Variants in ZMYM4 observed in about 807,000 individuals in gnomAD.
ZMYM4 encodes the protein zinc finger MYM-type protein 4.
ZMYM4 carries 31 observed loss-of-function variants against 183.2 expected under a neutral mutation model. The observed-to-expected ratio is 0.17, with a 90% CI of 0.13 to 0.23. The LOEUF (loss-of-function observed/expected upper bound fraction) is 0.23, where lower values mean the gene tolerates loss of function less well. ZMYM4 is among the 10% of genes least tolerant of loss of function. The pLI, the probability that ZMYM4 is intolerant of heterozygous loss-of-function variation, is 1.00. For synonymous variants in ZMYM4, 592 were observed against 631.2 expected (o/e 0.94, Z 0.93); for missense variants, 1,273 against 1,840.3 (o/e 0.69, Z 5.64).
At chr1:35,291,030 T>C (rs1467882218) in intron 1 of ZMYM4, among the ~76,000 whole-genome samples, 1 of 152,230 alleles carries the variant, frequency 6.6e-6, no homozygotes, top group African/African-American at 2.4e-5. Context: ...TGTACAGTTC[T>C]GTAAGGTTTG....
chr1:35,349,212 TC>T (rs1643505424), intron 2 of ZMYM4, among the ~76,000 whole-genome samples: 1 of 152,130 alleles, frequency 6.6e-6, no homozygotes, highest in African/African-American at 2.4e-5. Context: ...CATCTCGAAC[TC>T]CTGACCTCAA....
chr1:35,271,955 C>T (rs1047657011), intron 1 of ZMYM4, among the ~76,000 whole-genome samples: 1 of 152,014 alleles, frequency 6.6e-6, no homozygotes, highest in East Asian at 1.9e-4. Flanking sequence ...AGAGGGAAAC[C>T]CCCTCTCTAG....
At chr1:35,274,579 C>T (rs796937342) in intron 1 of ZMYM4, among the ~76,000 whole-genome samples, 4 of 147,636 alleles carry the variant, frequency 2.7e-5, no homozygotes, top group South Asian at 2.1e-4. Context: ...GCACTTTAGC[C>T]TGGGTGACAG....
intron 1 of ZMYM4, among the ~76,000 whole-genome samples, chr1:35,321,889 T>C (rs1642296851): frequency 6.6e-6 from 1 of 151,654 alleles, no homozygotes; most frequent in African/African-American, 2.4e-5. Context: ...TAGAAATTGA[T>C]CCTACAGATA....
Position 35,398,466 on chromosome 1 carries a change from G to T in ZMYM4, c.3253G>T (p.Asp1085Tyr). The part of the protein sequence containing the change: ...LFLDTKIFEK[D>Y]QGSTYSGDLE... ...TCTAGACACCAAGATATTTGAAAAA[G>T]GTTTGTAGTTGAAAATATGTTTTGA... Residue 1085 changes from aspartate (D) to tyrosine (Y), a missense_variant and splice_region_variant, in exon 21 of 30, where the codon GAC (aspartate) becomes TAC (tyrosine). Physicochemically the swap from Asp to Tyr is radical, Grantham distance 160. Transcript: ENST00000314607. The T allele has an allele frequency of 6.2e-7, 1 of 1,610,826 alleles. No homozygotes were observed. The highest frequency in any genetic ancestry group is 1.1e-5 in the South Asian group (1 of 90,332).
chr1:35,382,167 T>A, intron 9 of ZMYM4, among the ~76,000 whole-genome samples: 1 of 134,182 alleles, frequency 7.5e-6, no homozygotes, highest in East Asian at 2.7e-4. Flanking sequence ...AACAAAAATG[T>A]ATATATACAC....
At chr1:35,286,857 T>G (rs893546087) in intron 1 of ZMYM4, among the ~76,000 whole-genome samples, 2 of 125,696 alleles carry the variant, frequency 1.6e-5, no homozygotes, top group Non-Finnish European at 3.2e-5. Flanking sequence ...CTTGAACTCC[T>G]GGGCTCAAGC....
intron 5 of ZMYM4, among the ~76,000 whole-genome samples, chr1:35,363,622 A>G (rs1408621697): frequency 6.6e-6 from 1 of 152,186 alleles, no homozygotes; most frequent in Non-Finnish European, 1.5e-5. Flanking sequence ...GGGTAGTGAT[A>G]AAGCTATAGG....
At position 35,286,809 on chromosome 1, in the gene ZMYM4, T is replaced by G. The variant is rs576859845; in HGVS notation, c.39+17724T>G. ...TTTTTTTTTTTTTTTTTTTTTTTTT[T>G]TGTAGAGACAGGGTCTCCATATGTT... On this transcript the variant is annotated intron_variant, in intron 1 of 29. Coordinates refer to ENST00000314607, the MANE Select transcript of ZMYM4 (RefSeq NM_005095.3). Among the ~76,000 whole-genome samples, 814 of 99,804 alleles carry G rather than the reference T, an allele frequency of 8.2e-3. 7 individuals are homozygous for G. The highest frequency in any genetic ancestry group is 0.033 in the African/African-American group (741 of 22,396). 65.5% of individuals were successfully genotyped at this position (99,804 alleles called of 152,430 possible).
chr1:35,346,485 T>C (rs1428525861), intron 2 of ZMYM4, among the ~76,000 whole-genome samples: 2 of 151,822 alleles, frequency 1.3e-5, no homozygotes, highest in Admixed American at 6.6e-5. Context: ...ACCCTGCCTG[T>C]ACTACAAACA....
chr1:35,384,834 T>A (rs1303546463), intron 9 of ZMYM4, among the ~76,000 whole-genome samples: 1 of 145,258 alleles, frequency 6.9e-6, no homozygotes, highest in African/African-American at 2.8e-5. Flanking sequence ...ATTATTTTTT[T>A]CTTTTTCTTT....
chr1:35,294,080 A>G (rs1382605684), intron 1 of ZMYM4, among the ~76,000 whole-genome samples: 1 of 151,696 alleles, frequency 6.6e-6, no homozygotes, highest in Non-Finnish European at 1.5e-5. Context: ...GGTTGCAGTG[A>G]GCCAAGATTG....
intron 12 of ZMYM4, 40 bp from the exon 13 acceptor site, chr1:35,387,414 C>A: frequency 6.3e-7 from 1 of 1,577,260 alleles, no homozygotes; most frequent in Non-Finnish European, 8.6e-7. Flanking sequence ...ATAAGACAAA[C>A]CAAATGTTTA....
chr1:35,413,927 T>C, intron 26 of ZMYM4, 45 bp from the exon 27 acceptor site: 1 of 1,162,402 alleles, frequency 8.6e-7, no homozygotes, highest in Non-Finnish European at 1.2e-6. Context: ...AGAACTCATG[T>C]TTTCTTTTTA....
At position 35,381,762 on chromosome 1, in the gene ZMYM4, C is replaced by T; in HGVS notation, c.1569+4C>T. ...GTGTATCACGGCATACAAGCAGGTA[C>T]ATGACCATATTTAATCTTGATGTCT... On this transcript the variant is annotated splice_donor_region_variant and intron_variant, in intron 9 of 29. Coordinates refer to ENST00000314607, the MANE Select transcript of ZMYM4 (RefSeq NM_005095.3). The T allele has an allele frequency of 6.2e-7, 1 of 1,613,556 alleles. No homozygotes were observed. The highest frequency in any genetic ancestry group is 8.5e-7 in the Non-Finnish European group (1 of 1,179,788).
intron 7 of ZMYM4, 105 bp downstream of exon 7, chr1:35,370,732 T>TG: frequency 8.9e-7 from 1 of 1,123,332 alleles, no homozygotes; most frequent in Non-Finnish European, 1.1e-6. Flanking sequence ...TATTCCTTTT[T>TG]TTTTTTTTTT....
intron 26 of ZMYM4, among the ~76,000 whole-genome samples, chr1:35,409,525 T>C (rs1221920768): frequency 6.6e-6 from 1 of 152,190 alleles, no homozygotes; most frequent in Non-Finnish European, 1.5e-5. Flanking sequence ...ATTTTCCTAA[T>C]GACATTGGGA....
chr1:35,382,389 G>A (rs1332903308), intron 9 of ZMYM4, among the ~76,000 whole-genome samples: 1 of 151,266 alleles, frequency 6.6e-6, no homozygotes, highest in Non-Finnish European at 1.5e-5. Context: ...TCTATAAGTA[G>A]CAGTTTTATT....
chr1:35,272,577 C>G (rs546097189), intron 1 of ZMYM4, among the ~76,000 whole-genome samples: 1 of 152,204 alleles, frequency 6.6e-6, no homozygotes, highest in Non-Finnish European at 1.5e-5. Flanking sequence ...ACCAAGTTCT[C>G]TGCTTTGTAA....
Sources: gnomAD v4.1 joint callset for allele counts (sites outside exome capture counted in the v4.1 genomes callset) on GRCh38, gnomAD v4.1.1 for gene constraint, MANE v1.5 for transcripts, NCBI Gene and HGNC (gene_info 2026-07-23, HGNC 2026-07-21) for gene names.